EPS8: variants seen among roughly 807,000 people sequenced by gnomAD.
The protein encoded by EPS8 is epidermal growth factor receptor kinase substrate 8.
In EPS8, 42 loss-of-function variants were observed where a neutral mutation model predicts 103.8. That is an observed-to-expected ratio of 0.40 (90% CI 0.32 to 0.52). The LOEUF (loss-of-function observed/expected upper bound fraction) is 0.52, where lower values mean the gene tolerates loss of function less well. Ranked by LOEUF, EPS8 falls within the 20% of genes least tolerant of loss-of-function variation. The pLI is 0.40. For missense variants in EPS8, 969 were observed against 1,005.1 expected (o/e 0.96, Z 0.49); for synonymous variants, 344 against 344.6 (o/e 1.00, Z 0.02).
intron 5 of EPS8, 41 bp from the exon 6 acceptor site, chr12:15,669,577 CCATTTT>C: frequency 6.4e-7 from 1 of 1,567,326 alleles, no homozygotes; most frequent in East Asian, 2.3e-5. Flanking sequence ...AAACTTCCAT[CCATTTT>C]CAAACAATCT....
rs986846037 is a variant in EPS8 at position 15,762,844 on chromosome 12, T to C, written c.-22+26317A>G. Among the ~76,000 whole-genome samples, 1 of 152,168 alleles carries C rather than the reference T, an allele frequency of 6.6e-6. No individual in the cohort carries two copies. The highest frequency in any genetic ancestry group is 1.5e-5 in the Non-Finnish European group (1 of 68,024). On this transcript the variant is annotated intron_variant, in intron 1 of 20. Transcript: ENST00000281172. This position sits in a 1 kb window ranked among gnomAD's most constrained non-coding sequence, Gnocchi z 4.8. Reference sequence around the variant, plus strand: ...AAAAAGAATAAGACCTAGTATTTGATAGCACAACAGGGTGACTATAGTCAA... The same window carrying C: ...AAAAAGAATAAGACCTAGTATTTGACAGCACAACAGGGTGACTATAGTCAA...
At chr12:15,621,723 G>A (rs1359803710) in intron 20 of EPS8, among the ~76,000 whole-genome samples, 1 of 152,162 alleles carries the variant, frequency 6.6e-6, no homozygotes, top group Non-Finnish European at 1.5e-5. Flanking sequence ...GAGAGAAAGA[G>A]GAAATGTGTA....
intron 1 of EPS8, among the ~76,000 whole-genome samples, chr12:15,770,098 A>G (rs1352190784): frequency 6.6e-6 from 1 of 151,760 alleles, no homozygotes. Context: ...ACATGCCACC[A>G]TGGCTAATTT....
At chr12:15,675,953 T>C (rs1351317406) in intron 3 of EPS8, among the ~76,000 whole-genome samples, 1 of 152,098 alleles carries the variant, frequency 6.6e-6, no homozygotes, top group African/African-American at 2.4e-5. Flanking sequence ...AACACGTGCA[T>C]ATTTTAACAT....
At position 15,748,368 on chromosome 12, in the gene EPS8, G is replaced by C. The variant is rs1946896727; in HGVS notation, c.-22+40793C>G. The stretch of plus-strand genomic sequence containing the variant: ...ATCTATTACCAAATAAATTCACCTA[G>C]TAGGAAAACTAAAGTGATGAGGATT... On this transcript the variant is annotated intron_variant, in intron 1 of 20. Transcript: ENST00000281172. This position sits in a 1 kb window ranked among gnomAD's most constrained non-coding sequence, Gnocchi z 4.8. 6.6e-6 allele frequency among the ~76,000 whole-genome samples: 1 copy of C among 152,056 alleles called. No individual in the cohort carries two copies. Among genetic ancestry groups the C allele is most frequent in the Admixed American group, 6.5e-5 (1 of 15,274 alleles).
intron 1 of EPS8, among the ~76,000 whole-genome samples, chr12:15,758,793 T>G (rs1947013295): frequency 6.6e-6 from 1 of 152,242 alleles, no homozygotes; most frequent in African/African-American, 2.4e-5. Flanking sequence ...TGTAGGAGAA[T>G]GTCCTTGTTC....
At chr12:15,653,416 G>C (rs1945449758) in intron 13 of EPS8, among the ~76,000 whole-genome samples, 1 of 151,898 alleles carries the variant, frequency 6.6e-6, no homozygotes, top group Non-Finnish European at 1.5e-5. Flanking sequence ...ATCTCTATAT[G>C]CTCATTTTAA....
rs1194823216 is a variant in EPS8 at position 15,701,146 on chromosome 12, C to A, written c.-21-18174G>T. Among the ~76,000 whole-genome samples the A allele has an allele frequency of 6.6e-6, 1 of 152,158 alleles. No individual in the cohort carries two copies. The highest frequency in any genetic ancestry group is 1.5e-5 in the Non-Finnish European group (1 of 68,028). ...TTTTTAAAAGGTAATTCTTTTCTCT[C>A]TCTGAATCAACTGTGTCACCAATAT... On this transcript the variant is annotated intron_variant, in intron 1 of 20. Coordinates refer to ENST00000281172, the MANE Select transcript of EPS8 (RefSeq NM_004447.6). The surrounding 1 kb of genome is among the most constrained non-coding windows in gnomAD (Gnocchi z 5.1).
intron 1 of EPS8, among the ~76,000 whole-genome samples, chr12:15,740,650 G>T (rs1946811812): frequency 6.6e-6 from 1 of 152,080 alleles, no homozygotes; most frequent in Non-Finnish European, 1.5e-5. Context: ...GTGTCATATA[G>T]ATTTAATGCT....
At position 15,660,616 on chromosome 12, in the gene EPS8, C is replaced by T; in HGVS notation, c.935G>A (p.Gly312Glu). The T allele has an allele frequency of 1.4e-6, 2 of 1,413,728 alleles. No homozygotes were observed. The highest frequency in any genetic ancestry group is 2.3e-5 in the East Asian group (1 of 43,858). 87.6% of individuals were successfully genotyped at this position (1,413,728 alleles called of 1,614,324 possible). The change falls in exon 10 of 21, where the codon GGA (glycine) becomes GAA (glutamate). Residue 312 changes from glycine (G) to glutamate (E), a missense_variant and splice_region_variant. Gly to Glu is a moderately conservative substitution (Grantham distance 98, BLOSUM62 -2). Coordinates refer to ENST00000281172, the MANE Select transcript of EPS8 (RefSeq NM_004447.6). Reference sequence around the variant, plus strand: ...AAGATTAAGAAAATCCAACTTACCTCCTGGTCCTTTCCTTTTACCTTTCTT... The same window carrying T: ...AAGATTAAGAAAATCCAACTTACCTTCTGGTCCTTTCCTTTTACCTTTCTT... ...KNKKGKRKGPGEGVLTLRAKP... is the reference protein window; with the variant it reads ...KNKKGKRKGPEEGVLTLRAKP...
intron 1 of EPS8, among the ~76,000 whole-genome samples, chr12:15,763,710 T>C (rs1947064832): frequency 6.6e-6 from 1 of 152,216 alleles, no homozygotes; most frequent in South Asian, 2.1e-4. Context: ...CTCTTCTTTC[T>C]CCATCCTGTT....
At chr12:15,622,798 AT>A (rs61013394) in intron 20 of EPS8, among the ~76,000 whole-genome samples, 9,117 of 151,600 alleles carry the variant, frequency 0.06, 514 homozygotes, top group African/African-American at 0.16. Context: ...AAAAAAAAAA[AT>A]ATTAAGAATA....
In EPS8 at chr12:15,676,473, T is replaced by A. The variant is rs554263558; in HGVS notation, c.136+4753A>T. ...TCAAAAAGGAGATGAATCTGAATGA[T>A]TTGGTGTAAAGGTAAGGAGTGCAGT... is the stretch of plus-strand genomic sequence containing the variant. On this transcript the variant is annotated intron_variant, in intron 3 of 20. Coordinates refer to ENST00000281172, the MANE Select transcript of EPS8 (RefSeq NM_004447.6). Among the ~76,000 whole-genome samples, 17 of 152,186 alleles carry A rather than the reference T, an allele frequency of 1.1e-4. No individual in the cohort carries two copies. In the East Asian group the frequency reaches 1.9e-3, roughly 17 times the overall value.
At position 15,695,620 on chromosome 12, in the gene EPS8, G is replaced by C. The variant is rs538492428; in HGVS notation, c.-21-12648C>G. On this transcript the variant is annotated intron_variant, in intron 1 of 20. Coordinates refer to ENST00000281172, the MANE Select transcript of EPS8 (RefSeq NM_004447.6). This position sits in a 1 kb window ranked among gnomAD's most constrained non-coding sequence, Gnocchi z 5.0. ...GCTCTACATATTGAGTGCATGGTTA[G>C]CAAAACAGACAGGGTTCCTACCTTC... Among the ~76,000 whole-genome samples the C allele has an allele frequency of 5.7e-4, 87 of 152,330 alleles. No homozygotes were observed. The highest frequency in any genetic ancestry group is 2.1e-3 in the African/African-American group (86 of 41,584).
intron 17 of EPS8, among the ~76,000 whole-genome samples, chr12:15,638,523 C>T (rs1223442768): frequency 6.6e-6 from 1 of 152,188 alleles, no homozygotes; most frequent in Non-Finnish European, 1.5e-5. Flanking sequence ...CAGAAAGCTT[C>T]TGTACACATT....
intron 15 of EPS8, among the ~76,000 whole-genome samples, 172 bp downstream of exon 15, chr12:15,646,955 A>T (rs1014351403): frequency 6.6e-6 from 1 of 152,250 alleles, no homozygotes; most frequent in Non-Finnish European, 1.5e-5. Context: ...AGGTCCAGAC[A>T]TCTTTTGTTG....
intron 1 of EPS8, among the ~76,000 whole-genome samples, chr12:15,703,274 G>C (rs893222800): frequency 6.6e-6 from 1 of 152,002 alleles, no homozygotes; most frequent in Admixed American, 6.6e-5. Context: ...CTCTCCTCTG[G>C]GAACATTCAG....
intron 14 of EPS8, among the ~76,000 whole-genome samples, chr12:15,649,291 A>C (rs1945372518): frequency 6.6e-6 from 1 of 152,202 alleles, no homozygotes; most frequent in Admixed American, 6.5e-5. Flanking sequence ...AAATCACAAA[A>C]GTGAATTTCT....
intron 1 of EPS8, among the ~76,000 whole-genome samples, chr12:15,775,922 T>C (rs1016977485): frequency 2.0e-5 from 3 of 152,158 alleles, no homozygotes; most frequent in Admixed American, 6.6e-5. Flanking sequence ...ATTAAGCCAA[T>C]GGGCCTGCTA....
Sources: gnomAD v4.1 joint callset for allele counts (sites outside exome capture counted in the v4.1 genomes callset) on GRCh38, gnomAD v4.1.1 for gene constraint, Gnocchi (gnomAD v3.1) non-coding constraint, MANE v1.5 for transcripts, NCBI Gene and HGNC (gene_info 2026-07-23, HGNC 2026-07-21) for gene names.